FHIP2A: variants seen among roughly 807,000 people sequenced by gnomAD.
FHIP2A encodes the protein FHF complex subunit HOOK interacting protein 2A.
In FHIP2A, 46 loss-of-function variants were observed where a neutral mutation model predicts 93.5. The observed-to-expected ratio is 0.49, with a 90% CI of 0.39 to 0.63. The LOEUF is 0.63. Among genes scored for constraint, FHIP2A ranks in the 20% least tolerant of loss-of-function variants. The pLI, the probability that FHIP2A is intolerant of heterozygous loss-of-function variation, is 0.00. For missense variants in FHIP2A, 769 were observed against 909.7 expected, an observed-to-expected ratio of 0.85 and a Z score of 1.99; for synonymous variants, 332 against 326.5, an observed-to-expected ratio of 1.02 and a Z score of -0.18.
Position 114,879,766 on chromosome 10 carries a change from C to A in FHIP2A, c.2192+18432C>A, listed in dbSNP as rs150899979. ...GGAGTGCAGTGACCCCTGCTGATTG[C>A]CTGGCGTAATACAAGGCTGGACCTA... On this transcript the variant is annotated intron_variant, in intron 16 of 16. Coordinates refer to the FHIP2A transcript ENST00000369250. Among the ~76,000 whole-genome samples, 64 of 152,244 alleles carry A rather than the reference C, an allele frequency of 4.2e-4. 1 individual carries two copies. In the East Asian group the frequency reaches 8.7e-3, roughly 21 times the overall value.
chr10:114,870,230 G>A (rs1028594072), intron 16 of FHIP2A, among the ~76,000 whole-genome samples: 2 of 152,072 alleles, frequency 1.3e-5, no homozygotes, highest in Admixed American at 6.6e-5. Flanking sequence ...ACCTTATTAG[G>A]TTAAGAAAGA....
chr10:114,891,537 A>ATATGTGTGTGTG (rs1433286245), intron 16 of FHIP2A, among the ~76,000 whole-genome samples: 2 of 137,130 alleles, frequency 1.5e-5, no homozygotes, highest in Admixed American at 7.3e-5. Context: ...ATATATATAT[A>ATATGTGTGTGTG]TGTGTGTGTG....
intron 16 of FHIP2A, among the ~76,000 whole-genome samples, chr10:114,882,723 A>C (rs970952302): frequency 1.3e-5 from 2 of 152,102 alleles, no homozygotes; most frequent in Non-Finnish European, 2.9e-5. Context: ...AAATACAAAA[A>C]AATTAGCCAG....
rs1379223293 is a variant in FHIP2A at position 114,861,837 on chromosome 10, A to G, written c.*297A>G. On this transcript the variant is annotated 3_prime_UTR_variant, in exon 17 of 17. Coordinates refer to ENST00000369248, the MANE Select transcript of FHIP2A (RefSeq NM_020940.4). ...TTTCTAATGACTGTGAAAAGCTGCA[A>G]TATTTCCAATGTCATGACTTTGATG... 9.6e-7 allele frequency: 1 copy of G among 1,037,148 alleles called. No homozygotes were observed. Among genetic ancestry groups the G allele is most frequent in the East Asian group, 8.3e-5 (1 of 11,984 alleles). 64.2% of individuals were successfully genotyped at this position (1,037,148 alleles called of 1,614,324 possible).
At chr10:114,853,499 A>C (rs4752322) in intron 13 of FHIP2A, among the ~76,000 whole-genome samples, 80,608 of 151,762 alleles carry the variant, frequency 0.53, 21,731 homozygotes, top group African/African-American at 0.63. Flanking sequence ...AAATAACAAT[A>C]AAGTAAAGAC....
intron 14 of FHIP2A, among the ~76,000 whole-genome samples, chr10:114,858,145 C>G (rs985901436): frequency 1.8e-4 from 28 of 152,148 alleles, no homozygotes; most frequent in Admixed American, 1.8e-3. Context: ...CAGGTAAATA[C>G]TGTATAAAGT....
Position 114,843,121 on chromosome 10 carries a change from A to G in FHIP2A, c.711A>G (p.Thr237=), listed in dbSNP as rs569068104. 1 of 1,614,104 alleles carries G rather than the reference A, an allele frequency of 6.2e-7. No individual in the cohort carries two copies. The highest frequency in any genetic ancestry group is 1.1e-5 in the South Asian group (1 of 91,078). The stretch of plus-strand genomic sequence containing the variant: ...CTCATCAGATGGATCACCTGTCCAC[A>G]AGCTTGGATAACCTCAGTGTCACCT... ...EPPHQMDHLS[T]SLDNLSVTSL... is the part of the protein sequence containing the mutation. Residue 237 remains threonine, a synonymous_variant, in exon 6 of 17, where the codon ACA becomes ACG. Transcript: ENST00000369248.
chr10:114,834,775 T>G (rs1320668376), intron 3 of FHIP2A, among the ~76,000 whole-genome samples: 3 of 152,216 alleles, frequency 2.0e-5, no homozygotes, highest in Non-Finnish European at 4.4e-5. Flanking sequence ...ATATTATGAT[T>G]ATAATAGGCA....
At chr10:114,890,706 GTATATGACATATATA>G (rs2083967976) in intron 16 of FHIP2A, among the ~76,000 whole-genome samples, 1 of 145,958 alleles carries the variant, frequency 6.9e-6, no homozygotes, top group Admixed American at 6.9e-5. Flanking sequence ...AATATATACC[GTATATGACATATATA>G]GTATATAAAA....
At chr10:114,825,050 C>T (rs2083565026) in intron 1 of FHIP2A, among the ~76,000 whole-genome samples, 1 of 152,114 alleles carries the variant, frequency 6.6e-6, no homozygotes, top group African/African-American at 2.4e-5. Flanking sequence ...GAGACAGGGT[C>T]TCTGTCACCC....
At chr10:114,859,089 A>T (rs1217828663) in intron 14 of FHIP2A, among the ~76,000 whole-genome samples, 3 of 152,192 alleles carry the variant, frequency 2.0e-5, no homozygotes, top group Admixed American at 2.0e-4. Flanking sequence ...CTGGGAATAC[A>T]TATTTCCTTT....
At chr10:114,829,120 G>A (rs2083593739) in intron 1 of FHIP2A, among the ~76,000 whole-genome samples, 1 of 152,180 alleles carries the variant, frequency 6.6e-6, no homozygotes, top group Non-Finnish European at 1.5e-5. Context: ...TATGAAAATG[G>A]ACTCTGGAGA....
Position 114,832,550 on chromosome 10 carries a change from C to T in FHIP2A, c.125-683C>T, listed in dbSNP as rs1450211406. Among the ~76,000 whole-genome samples the T allele has an allele frequency of 2.0e-5, 3 of 151,920 alleles. No individual in the cohort carries two copies. In the East Asian group the frequency reaches 5.8e-4, roughly 29 times the overall value. ...AGACTTAAAGTTCAGATCTTCTGAA[C>T]TGGCTAAGTGAAAAAAAAATATTTT... On this transcript the variant is annotated intron_variant, in intron 2 of 16. Coordinates refer to ENST00000369248, the MANE Select transcript of FHIP2A (RefSeq NM_020940.4).
intron 14 of FHIP2A, among the ~76,000 whole-genome samples, chr10:114,859,385 A>G (rs929997994): frequency 7.2e-5 from 11 of 152,176 alleles, no homozygotes; most frequent in African/African-American, 2.7e-4. Context: ...TGACTTCCTC[A>G]TTGCTATTCA....
At chr10:114,838,740 A>T (rs1308248961) in intron 5 of FHIP2A, among the ~76,000 whole-genome samples, 3 of 152,184 alleles carry the variant, frequency 2.0e-5, no homozygotes, top group Admixed American at 2.0e-4. Flanking sequence ...ATGTATGTTC[A>T]TGGTGAGGTA....
At chr10:114,884,911 C>CAAAAAAAAAAAAAAAAAAA (rs35889495) in intron 16 of FHIP2A, among the ~76,000 whole-genome samples, 1 of 124,038 alleles carries the variant, frequency 8.1e-6, no homozygotes. Context: ...GAGACTCCAT[C>CAAAAAAAAAAAAAAAAAAA]AAAAAAAAAA....
At chr10:114,858,770 A>G (rs970850211) in intron 14 of FHIP2A, among the ~76,000 whole-genome samples, 2 of 152,194 alleles carry the variant, frequency 1.3e-5, no homozygotes, top group Non-Finnish European at 1.5e-5. Flanking sequence ...GTCCAAAAGT[A>G]CAGTTAGAAG....
intron 2 of FHIP2A, among the ~76,000 whole-genome samples, chr10:114,832,409 A>G (rs1195081469): frequency 6.6e-6 from 1 of 152,192 alleles, no homozygotes; most frequent in Non-Finnish European, 1.5e-5. Context: ...ACATTAAGTG[A>G]CAGATTTCCC....
chr10:114,875,734 G>A (rs1214731714), intron 16 of FHIP2A, among the ~76,000 whole-genome samples: 1 of 146,804 alleles, frequency 6.8e-6, no homozygotes, highest in African/African-American at 2.5e-5. Context: ...AAGAAAGAGA[G>A]AGAAAGAAAG....
Sources: allele counts gnomAD v4.1 joint callset (sites outside exome capture counted in the v4.1 genomes callset), GRCh38; gene constraint gnomAD v4.1.1; transcripts MANE v1.5; gene names NCBI Gene and HGNC (gene_info 2026-07-23, HGNC 2026-07-21).